Variants in AP3B1 observed in about 807,000 individuals in gnomAD.
AP3B1 encodes the protein adaptor related protein complex 3 subunit beta 1.
Under a neutral mutation model 132.5 loss-of-function variants are expected in AP3B1, and 61 were observed. The observed-to-expected ratio is 0.46, with a 90% CI of 0.37 to 0.57. The LOEUF (loss-of-function observed/expected upper bound fraction) is 0.57. Ranked by LOEUF, AP3B1 falls within the 20% of genes least tolerant of loss-of-function variation. The pLI is 0.00. For missense variants in AP3B1, 1,120 were observed against 1,289.4 expected (o/e 0.87, Z 2.01); for synonymous variants, 388 against 438.3 (o/e 0.89, Z 1.43).
At chr5:78,119,780 A>T (rs994657829) in intron 17 of AP3B1, among the ~76,000 whole-genome samples, 2 of 152,246 alleles carry the variant, frequency 1.3e-5, no homozygotes, top group Admixed American at 1.3e-4. Context: ...GATATTATCC[A>T]GGAGAACTTC....
intron 22 of AP3B1, among the ~76,000 whole-genome samples, chr5:78,044,407 A>G (rs1015531511): frequency 2.0e-5 from 3 of 152,224 alleles, no homozygotes; most frequent in African/African-American, 7.2e-5. Flanking sequence ...AGAGACAGTG[A>G]CAGGTCTTAC....
At chr5:78,120,686 C>A (rs572725657) in intron 17 of AP3B1, among the ~76,000 whole-genome samples, 13 of 152,142 alleles carry the variant, frequency 8.5e-5, no homozygotes, top group South Asian at 4.2e-4. Flanking sequence ...CACCCAGATT[C>A]ATAAAGCAAG....
chr5:78,016,667 T>G (rs1175613388), intron 25 of AP3B1, among the ~76,000 whole-genome samples: 1 of 152,076 alleles, frequency 6.6e-6, no homozygotes, highest in Non-Finnish European at 1.5e-5. Context: ...ATTAACAGTA[T>G]GAAAACACTA....
intron 3 of AP3B1, among the ~76,000 whole-genome samples, chr5:78,236,523 A>T (rs770198189): frequency 1.3e-5 from 2 of 152,244 alleles, no homozygotes; most frequent in Non-Finnish European, 2.9e-5. Flanking sequence ...CTAGCTTTGG[A>T]TTCTGACTGC....
chr5:78,232,349 C>T (rs1746681594), intron 3 of AP3B1, among the ~76,000 whole-genome samples: 1 of 152,202 alleles, frequency 6.6e-6, no homozygotes, highest in African/African-American at 2.4e-5. Context: ...AGTTTTCTTG[C>T]TCAGCCTCTT....
At chr5:78,135,551 A>C (rs1176767891) in intron 15 of AP3B1, among the ~76,000 whole-genome samples, 1 of 152,076 alleles carries the variant, frequency 6.6e-6, no homozygotes, top group African/African-American at 2.4e-5. Context: ...TAAATAAATA[A>C]ATAAATAAAT....
intron 8 of AP3B1, 80 bp from the exon 9 acceptor site, chr5:78,177,516 T>C: frequency 4.8e-6 from 5 of 1,038,400 alleles, no homozygotes; most frequent in Non-Finnish European, 6.1e-6. Flanking sequence ...CTACACATTA[T>C]TTCCTCTAAG....
intron 2 of AP3B1, among the ~76,000 whole-genome samples, chr5:78,250,110 T>C (rs1045190608): frequency 1.3e-5 from 2 of 152,194 alleles, no homozygotes; most frequent in African/African-American, 4.8e-5. Flanking sequence ...ATGAACTTAC[T>C]ACTTAATCAA....
chr5:78,061,961 T>C lies in AP3B1; in HGVS notation c.2578-22687A>G, dbSNP rs1399479651. On this transcript the variant is annotated intron_variant, in intron 22 of 26. Transcript: ENST00000255194. ...ACCAGCAGTCACCTTCACTGCTAGCTACTGCACCTGTATCCTTTTTGTCAA... is the reference window on the plus strand; with the variant it reads ...ACCAGCAGTCACCTTCACTGCTAGCCACTGCACCTGTATCCTTTTTGTCAA... Among the ~76,000 whole-genome samples, 3 of 152,236 alleles carry C rather than the reference T, an allele frequency of 2.0e-5. No homozygotes were observed. In the East Asian group the frequency reaches 5.8e-4, roughly 29 times the overall value.
rs144696922 is a variant in AP3B1, at chr5:78,260,926, T to C, written c.204+6594A>G. ...ATGACTTAAGTAAGGTTCATCCATGTTGTAGCATGCATCAGAATTCCATTC... is the reference window on the plus strand; with the variant it reads ...ATGACTTAAGTAAGGTTCATCCATGCTGTAGCATGCATCAGAATTCCATTC... On this transcript the variant is annotated intron_variant, in intron 2 of 26. Coordinates refer to ENST00000255194, the MANE Select transcript of AP3B1 (RefSeq NM_003664.5). 3.9e-4 allele frequency among the ~76,000 whole-genome samples: 59 copies of C among 152,352 alleles called. No homozygotes were observed. In the East Asian group the frequency reaches 0.011, roughly 27 times the overall value.
chr5:78,037,268 C>T (rs1747844799), intron 23 of AP3B1, among the ~76,000 whole-genome samples: 1 of 152,084 alleles, frequency 6.6e-6, no homozygotes, highest in Admixed American at 6.5e-5. Flanking sequence ...TCAGACAATT[C>T]ATGTATCAGC....
chr5:78,282,506 A>G (rs1022618015), intron 1 of AP3B1, among the ~76,000 whole-genome samples: 4 of 152,198 alleles, frequency 2.6e-5, no homozygotes, highest in East Asian at 3.9e-4. Context: ...TGTGGTGCAC[A>G]TTAAAGGTAC....
intron 2 of AP3B1, among the ~76,000 whole-genome samples, chr5:78,253,849 C>T (rs1747741090): frequency 1.3e-5 from 2 of 151,530 alleles, no homozygotes; most frequent in South Asian, 2.1e-4. Flanking sequence ...CACCTGTAGT[C>T]CCAACTACTT....
At chr5:78,116,019 C>G (rs1469950964) in intron 18 of AP3B1, 107 bp downstream of exon 18, 1 of 824,538 alleles carries the variant, frequency 1.2e-6, no homozygotes, top group East Asian at 2.6e-5. Context: ...ATAATACAAA[C>G]TTCACTTAAA....
At chr5:78,140,733 C>A (rs1033963825) in intron 15 of AP3B1, among the ~76,000 whole-genome samples, 1 of 152,202 alleles carries the variant, frequency 6.6e-6, no homozygotes, top group African/African-American at 2.4e-5. Context: ...GACTCACCTT[C>A]AAAAAGTTTC....
intron 1 of AP3B1, among the ~76,000 whole-genome samples, chr5:78,288,370 G>A (rs1197869849): frequency 6.6e-6 from 1 of 152,204 alleles, no homozygotes; most frequent in Non-Finnish European, 1.5e-5. Flanking sequence ...ACAGAGGAAT[G>A]AACCATACAT....
chr5:78,132,690 AG>A (rs1752741390), intron 15 of AP3B1, among the ~76,000 whole-genome samples: 1 of 152,240 alleles, frequency 6.6e-6, no homozygotes, highest in East Asian at 1.9e-4. Context: ...AATAACTACT[AG>A]CTTTTTAAAT....
At chr5:78,153,119 A>G (rs1753739572) in intron 14 of AP3B1, among the ~76,000 whole-genome samples, 1 of 152,170 alleles carries the variant, frequency 6.6e-6, no homozygotes. Flanking sequence ...GATCTGTCCA[A>G]TGCTGAAAGT....
At chr5:78,167,796 C>T (rs1743708393) in intron 11 of AP3B1, among the ~76,000 whole-genome samples, 1 of 151,784 alleles carries the variant, frequency 6.6e-6, no homozygotes, top group Admixed American at 6.6e-5. Flanking sequence ...TGTTCTCACT[C>T]ATAAGTGGGA....
Sources: gnomAD v4.1 joint callset for allele counts (sites outside exome capture counted in the v4.1 genomes callset) on GRCh38, gnomAD v4.1.1 for gene constraint, MANE v1.5 for transcripts, NCBI Gene and HGNC (gene_info 2026-07-23, HGNC 2026-07-21) for gene names.